The following DENND1A variants were observed in gnomAD, a reference collection of about 807,000 sequenced individuals.
The protein encoded by DENND1A is DENN domain-containing protein 1A.
In DENND1A, 51 loss-of-function variants were observed where a neutral mutation model predicts 113.7. The observed-to-expected ratio is 0.45, with a 90% CI of 0.36 to 0.57. The LOEUF is 0.57. Among genes scored for constraint, DENND1A ranks in the 20% least tolerant of loss-of-function variants. The pLI, the probability that DENND1A is intolerant of heterozygous loss-of-function variation, is 0.00. For missense variants in DENND1A, 1,258 were observed against 1,395.9 expected (o/e 0.90, Z 1.57); for synonymous variants, 565 against 570.8 (o/e 0.99, Z 0.14).
intron 2 of DENND1A, among the ~76,000 whole-genome samples, chr9:123,825,154 C>T (rs1839110096): frequency 6.6e-6 from 1 of 151,954 alleles, no homozygotes; most frequent in Non-Finnish European, 1.5e-5. Flanking sequence ...ACCATGGTTT[C>T]TTATCACGTA....
At chr9:123,805,633 C>T (rs371715915) in intron 2 of DENND1A, among the ~76,000 whole-genome samples, 1 of 152,108 alleles carries the variant, frequency 6.6e-6, no homozygotes, top group South Asian at 2.1e-4. Flanking sequence ...GGGGTTTCAT[C>T]GTGTTGGCCA....
intron 1 of DENND1A, among the ~76,000 whole-genome samples, chr9:123,902,232 G>A (rs1055116426): frequency 6.6e-6 from 1 of 151,466 alleles, no homozygotes; most frequent in Non-Finnish European, 1.5e-5. Context: ...GAGACAGAGA[G>A]AGACTAATAA....
At chr9:123,454,700 G>A (rs572070729) in intron 16 of DENND1A, 39 bp downstream of exon 16, 3 of 1,550,026 alleles carry the variant, frequency 1.9e-6, no homozygotes, top group African/African-American at 2.7e-5. Context: ...GGAAGCTAAG[G>A]AGGGAGTCCA....
chr9:123,696,666 C>A (rs915139414), intron 5 of DENND1A, among the ~76,000 whole-genome samples: 2 of 152,138 alleles, frequency 1.3e-5, no homozygotes, highest in Non-Finnish European at 2.9e-5. Flanking sequence ...TGCTGCTGTG[C>A]GAATTAGGAA....
chr9:123,595,360 C>T (rs2059636986), intron 11 of DENND1A, among the ~76,000 whole-genome samples: 2 of 152,172 alleles, frequency 1.3e-5, no homozygotes, highest in African/African-American at 4.8e-5. Flanking sequence ...TGTTCATTCA[C>T]TCACTCATTT....
At chr9:123,505,733 TA>T (rs1313411975) in intron 13 of DENND1A, among the ~76,000 whole-genome samples, 1 of 152,186 alleles carries the variant, frequency 6.6e-6, no homozygotes, top group Non-Finnish European at 1.5e-5. Context: ...CCGTTCCACT[TA>T]AAAGCCCACT....
Position 123,757,691 on chromosome 9 carries a change from C to A in DENND1A, c.302+12G>T. On this transcript the variant is annotated intron_variant, in intron 5 of 23. Coordinates refer to ENST00000394215, the MANE Select transcript of DENND1A (RefSeq NM_001352964.2). ...CAGAGAACAAGCCAACAGCCCAAGC[C>A]TTCTCCCTTACCTTAAGATACAGAA... 6.2e-7 allele frequency: 1 copy of A among 1,613,398 alleles called. No individual in the cohort carries two copies. Among genetic ancestry groups the A allele is most frequent in the East Asian group, 2.2e-5 (1 of 44,842 alleles).
Position 123,389,277 on chromosome 9 carries a change from C to T in DENND1A, c.1632-1419G>A, listed in dbSNP as rs372948952. Among the ~76,000 whole-genome samples the T allele has an allele frequency of 9.8e-5, 15 of 152,340 alleles. No individual in the cohort carries two copies. In the East Asian group the frequency reaches 1.9e-3, roughly 20 times the overall value. On this transcript the variant is annotated intron_variant, in intron 21 of 23. Coordinates refer to ENST00000394215, the MANE Select transcript of DENND1A (RefSeq NM_001352964.2). ...CTGGCCAGGCAAAGAGTTTTGTCCTCGAACTGCAGTGGAGGTTGAGGCTCA... is the reference window on the plus strand; with the variant it reads ...CTGGCCAGGCAAAGAGTTTTGTCCTTGAACTGCAGTGGAGGTTGAGGCTCA...
chr9:123,545,093 G>A (rs969843471), intron 13 of DENND1A, among the ~76,000 whole-genome samples: 28 of 144,242 alleles, frequency 1.9e-4, no homozygotes, highest in African/African-American at 3.7e-4. Context: ...GCAAGACTCC[G>A]TCTCAAAAAG....
chr9:123,415,423 T>A (rs1201132740), intron 19 of DENND1A, among the ~76,000 whole-genome samples: 3 of 152,048 alleles, frequency 2.0e-5, no homozygotes, highest in Non-Finnish European at 4.4e-5. Flanking sequence ...TTGAAGACCC[T>A]CCACCCTGGG....
chr9:123,391,476 T>C (rs1189846646), intron 21 of DENND1A, among the ~76,000 whole-genome samples: 1 of 152,146 alleles, frequency 6.6e-6, no homozygotes, highest in African/African-American at 2.4e-5. Flanking sequence ...TTGCCCAGGG[T>C]CACACAGCAG....
At chr9:123,596,752 C>G (rs1021621821) in intron 11 of DENND1A, among the ~76,000 whole-genome samples, 6 of 152,154 alleles carry the variant, frequency 3.9e-5, no homozygotes, top group African/African-American at 1.4e-4. Context: ...AAAGTAGGGC[C>G]AGTATAATAG....
At chr9:123,577,729 G>T (rs1308736828) in intron 12 of DENND1A, among the ~76,000 whole-genome samples, 6 of 152,136 alleles carry the variant, frequency 3.9e-5, no homozygotes, top group African/African-American at 1.4e-4. Flanking sequence ...ACATAAAAAT[G>T]CACACACCAT....
chr9:123,745,193 CCTACT>C (rs1251278300), intron 5 of DENND1A, among the ~76,000 whole-genome samples: 7 of 152,034 alleles, frequency 4.6e-5, no homozygotes, highest in Admixed American at 4.6e-4. Flanking sequence ...GAATGCAGGC[CCTACT>C]CTGACACTAG....
At chr9:123,892,566 CA>C (rs1488135384) in intron 1 of DENND1A, among the ~76,000 whole-genome samples, 29 of 152,146 alleles carry the variant, frequency 1.9e-4, no homozygotes, top group African/African-American at 6.8e-4. Flanking sequence ...TATAAGAATA[CA>C]AAAACAGAGG....
intron 2 of DENND1A, among the ~76,000 whole-genome samples, chr9:123,806,712 TAC>T (rs1170166061): frequency 6.6e-6 from 1 of 152,200 alleles, no homozygotes; most frequent in African/African-American, 2.4e-5. Flanking sequence ...TCCTAAATTA[TAC>T]ACTTTATAAA....
intron 12 of DENND1A, among the ~76,000 whole-genome samples, chr9:123,574,818 T>C (rs957774640): frequency 3.2e-4 from 49 of 152,190 alleles, no homozygotes; most frequent in African/African-American, 1.1e-3. Context: ...TTGGACAAGC[T>C]TGCATATCTT....
intron 13 of DENND1A, among the ~76,000 whole-genome samples, chr9:123,549,385 T>C (rs935200444): frequency 9.2e-4 from 140 of 152,122 alleles, no homozygotes; most frequent in African/African-American, 3.3e-3. Context: ...CTGGGAATCC[T>C]CTGCTTGTCT....
intron 12 of DENND1A, among the ~76,000 whole-genome samples, chr9:123,567,949 A>T (rs1233933994): frequency 6.6e-6 from 1 of 152,210 alleles, no homozygotes; most frequent in Non-Finnish European, 1.5e-5. Flanking sequence ...CTTGGGTTGT[A>T]TTTGCACTGA....
Sources: allele counts gnomAD v4.1 joint callset (sites outside exome capture counted in the v4.1 genomes callset), GRCh38; gene constraint gnomAD v4.1.1; transcripts MANE v1.5; gene names NCBI Gene and HGNC (gene_info 2026-07-23, HGNC 2026-07-21).